KCNIP4: variants seen among roughly 807,000 people sequenced by gnomAD.
KCNIP4 encodes the protein potassium voltage-gated channel interacting protein 4, also known as Kv channel-interacting protein 4.
A neutral mutation model predicts 34.0 loss-of-function variants in KCNIP4; 12 were observed. The observed-to-expected ratio is 0.35, with a 90% confidence interval of 0.23 to 0.57. The LOEUF (loss-of-function observed/expected upper bound fraction) is 0.57, where lower values mean the gene tolerates loss of function less well. KCNIP4 is among the 20% of genes least tolerant of loss of function. The pLI is 0.83. For missense variants in KCNIP4, 238 were observed against 311.7 expected (o/e 0.76, Z 1.78); for synonymous variants, 124 against 102.2 (o/e 1.21, Z -1.29).
At chr4:21,299,598 T>G (rs1250459937) in intron 1 of KCNIP4, among the ~76,000 whole-genome samples, 4 of 152,216 alleles carry the variant, frequency 2.6e-5, no homozygotes, top group Non-Finnish European at 5.9e-5. Flanking sequence ...AGCGTTGGCA[T>G]GCCATTGCAC....
intron 1 of KCNIP4, among the ~76,000 whole-genome samples, chr4:21,864,224 C>G (rs572378543): frequency 4.1e-4 from 63 of 152,294 alleles, no homozygotes; most frequent in African/African-American, 1.3e-3. Flanking sequence ...TAGTTAATTT[C>G]CATGGATAAT....
chr4:20,973,508 T>C (rs1444370404), intron 1 of KCNIP4, among the ~76,000 whole-genome samples: 1 of 152,224 alleles, frequency 6.6e-6, no homozygotes, highest in Non-Finnish European at 1.5e-5. Flanking sequence ...GCTGTTTTGC[T>C]TTCTCATTCT....
At chr4:20,984,849 T>C (rs952991034) in intron 1 of KCNIP4, among the ~76,000 whole-genome samples, 2 of 152,174 alleles carry the variant, frequency 1.3e-5, no homozygotes, top group African/African-American at 4.8e-5. Context: ...TCCCTGATGA[T>C]AAAAACAACC....
intron 1 of KCNIP4, among the ~76,000 whole-genome samples, chr4:21,269,321 C>A (rs907303174): frequency 6.6e-6 from 1 of 152,174 alleles, no homozygotes; most frequent in Non-Finnish European, 1.5e-5. Context: ...AAGTGTGATG[C>A]GGACTATAGC....
intron 1 of KCNIP4, among the ~76,000 whole-genome samples, chr4:21,571,489 C>A (rs1167755469): frequency 6.6e-6 from 1 of 152,128 alleles, no homozygotes; most frequent in Admixed American, 6.6e-5. Flanking sequence ...ATCTTACACA[C>A]AAAAATGCAA....
chr4:21,167,511 T>C (rs1401286246), intron 1 of KCNIP4, among the ~76,000 whole-genome samples: 1 of 152,216 alleles, frequency 6.6e-6, no homozygotes, highest in East Asian at 1.9e-4. Context: ...ATGGAATAGA[T>C]AGTGTCTTTT....
chr4:21,067,058 G>T (rs989434261), intron 1 of KCNIP4, among the ~76,000 whole-genome samples: 1 of 152,162 alleles, frequency 6.6e-6, no homozygotes, highest in Non-Finnish European at 1.5e-5. Context: ...TTGGATACCA[G>T]CTCAGCCACA....
intron 1 of KCNIP4, among the ~76,000 whole-genome samples, chr4:21,200,324 G>A (rs113146287): frequency 0.19 from 11,378 of 59,974 alleles, 1,041 homozygotes; most frequent in African/African-American, 0.45. Flanking sequence ...ACATATATGT[G>A]TGTATATATA....
chr4:21,509,262 C>T (rs1404329879), intron 1 of KCNIP4, among the ~76,000 whole-genome samples: 1 of 152,120 alleles, frequency 6.6e-6, no homozygotes, highest in African/African-American at 2.4e-5. Flanking sequence ...TTTCATTTGA[C>T]CCCACAGCAG....
chr4:20,857,346 T>G (rs1416481892), intron 2 of KCNIP4, among the ~76,000 whole-genome samples: 1 of 152,162 alleles, frequency 6.6e-6, no homozygotes. Flanking sequence ...TGTAAGAGCC[T>G]GTATTTTGGG....
chr4:21,777,338 C>G (rs1368067049), intron 1 of KCNIP4, among the ~76,000 whole-genome samples: 1 of 152,188 alleles, frequency 6.6e-6, no homozygotes, highest in Non-Finnish European at 1.5e-5. Flanking sequence ...TTATATTTCT[C>G]AGACACACTT....
At chr4:21,246,292 C>T (rs1760199924) in intron 1 of KCNIP4, among the ~76,000 whole-genome samples, 1 of 152,174 alleles carries the variant, frequency 6.6e-6, no homozygotes, top group African/African-American at 2.4e-5. Context: ...TTCTCTCTCT[C>T]CTGAGTCCCA....
chr4:21,304,851 C>T (rs116706788), intron 1 of KCNIP4, among the ~76,000 whole-genome samples: 1 of 152,048 alleles, frequency 6.6e-6, no homozygotes, highest in African/African-American at 2.4e-5. Flanking sequence ...TTAGCAGCTA[C>T]CTCCTCTGCA....
intron 1 of KCNIP4, among the ~76,000 whole-genome samples, chr4:21,515,033 G>A (rs979547446): frequency 6.6e-6 from 1 of 152,062 alleles, no homozygotes; most frequent in African/African-American, 2.4e-5. Context: ...TTACATTCTA[G>A]CTATCCTAAA....
chr4:21,929,640 T>A (rs1729454922), intron 1 of KCNIP4, among the ~76,000 whole-genome samples: 1 of 152,174 alleles, frequency 6.6e-6, no homozygotes, highest in South Asian at 2.1e-4. Flanking sequence ...TCCCAAGAAC[T>A]GCTCAGTCTA....
At chr4:21,483,105 A>C in intron 1 of KCNIP4, among the ~76,000 whole-genome samples, 1 of 150,212 alleles carries the variant, frequency 6.7e-6, no homozygotes, top group Non-Finnish European at 1.5e-5. Context: ...GAGGGATAGC[A>C]TTAGGAGATA....
intron 1 of KCNIP4, among the ~76,000 whole-genome samples, chr4:21,359,623 A>G (rs1719014339): frequency 6.6e-6 from 1 of 152,120 alleles, no homozygotes; most frequent in Non-Finnish European, 1.5e-5. Flanking sequence ...ATAACACTGA[A>G]AATGTTCAAG....
At chr4:21,099,415 G>A (rs1158017345) in intron 1 of KCNIP4, among the ~76,000 whole-genome samples, 1 of 152,094 alleles carries the variant, frequency 6.6e-6, no homozygotes, top group Admixed American at 6.5e-5. Context: ...TGAATGATGA[G>A]AACACATGGA....
In KCNIP4 at chr4:20,975,259, T is replaced by A. The variant is rs532503705; in HGVS notation, c.62-92550A>T. ...TTTTAACATTTGTTCATTGAATGTA[T>A]GTGTCCTAGACTCGAAAGGCTCAAT... is the stretch of plus-strand genomic sequence containing the variant. On this transcript the variant is annotated intron_variant, in intron 1 of 8. Coordinates refer to ENST00000382152, the MANE Select transcript of KCNIP4 (RefSeq NM_025221.6). Among the ~76,000 whole-genome samples, 6 of 152,370 alleles carry A rather than the reference T, an allele frequency of 3.9e-5. No individual in the cohort carries two copies. In the East Asian group the frequency reaches 1.2e-3, roughly 29 times the overall value.
Sources: gnomAD v4.1 joint callset for allele counts (sites outside exome capture counted in the v4.1 genomes callset) on GRCh38, gnomAD v4.1.1 for gene constraint, MANE v1.5 for transcripts, NCBI Gene and HGNC (gene_info 2026-07-23, HGNC 2026-07-21) for gene names.